Variants in TRIM7 observed in about 807,000 individuals in gnomAD.
The protein encoded by TRIM7 is E3 ubiquitin-protein ligase TRIM7.
In TRIM7, 32 loss-of-function variants were observed where a neutral mutation model predicts 37.9. The observed-to-expected ratio is 0.84, with a 90% CI of 0.64 to 1.13. The LOEUF is 1.13. TRIM7 is among the 50% of genes most tolerant of loss of function. The pLI is 0.00. For missense variants in TRIM7, 732 were observed against 714.0 expected (o/e 1.03, Z -0.29); for synonymous variants, 351 against 321.3 (o/e 1.09, Z -0.99).
chr5:181,205,134 C>G lies in TRIM7; in HGVS notation c.-24G>C, dbSNP rs536612343. Reference sequence around the variant, plus strand: ...ATGCGCGCTCTCCGCGCACCCAGATCTGGTCGCGCCTGGGCGGCCACTGGA... The same window carrying G: ...ATGCGCGCTCTCCGCGCACCCAGATGTGGTCGCGCCTGGGCGGCCACTGGA... On this transcript the variant is annotated 5_prime_UTR_variant, in exon 1 of 7. Coordinates refer to ENST00000274773, the MANE Select transcript of TRIM7 (RefSeq NM_203293.3). The G allele has an allele frequency of 2.3e-4, 300 of 1,288,458 alleles. No individual in the cohort carries two copies. In the African/African-American group the frequency reaches 4.0e-3, roughly 17 times the overall value. 79.8% of individuals were successfully genotyped at this position (1,288,458 alleles called of 1,614,324 possible).
At chr5:181,200,720 T>A (rs1757432018) in intron 2 of TRIM7, 1 of 988,336 alleles carries the variant, frequency 1.0e-6, no homozygotes, top group Non-Finnish European at 1.2e-6. Context: ...ATACACCGGA[T>A]TTTTTACTCG....
At chr5:181,203,419 T>A in intron 2 of TRIM7, 126 bp downstream of exon 2, 1 of 1,527,286 alleles carries the variant, frequency 6.5e-7, no homozygotes, top group Non-Finnish European at 8.8e-7. Context: ...ATGGACTCTA[T>A]TATCTTTCTG....
At chr5:181,196,562 C>G (rs992256458) in intron 6 of TRIM7, 9 of 151,862 alleles carry the variant, frequency 5.9e-5, no homozygotes, top group African/African-American at 2.2e-4. Flanking sequence ...ACTAAAAATA[C>G]AAAAATTAGC....
rs778971294 is a variant in TRIM7 at position 181,198,777 on chromosome 5, T to C, written c.901A>G (p.Thr301Ala). Residue 301 changes from threonine to alanine, a missense_variant, in exon 5 of 7, where the codon ACC becomes GCC. Transcript: ENST00000274773. The part of the protein sequence containing the change: ...RCSNVPGPKP[T>A]TVSSEMKNKV... ...TTCTTCATCTCAGAAGAGACTGTGGTTGGCTTGGGGCCAGGCACATTGCTA... is the reference window on the plus strand; with the variant it reads ...TTCTTCATCTCAGAAGAGACTGTGGCTGGCTTGGGGCCAGGCACATTGCTA... 4 of 1,614,064 alleles carry C rather than the reference T, an allele frequency of 2.5e-6. No individual in the cohort carries two copies. In the South Asian group the frequency reaches 4.4e-5, roughly 18 times the overall value.
chr5:181,204,873 G>T lies in TRIM7; in HGVS notation c.238C>A (p.Gln80Lys). 1.5e-6 allele frequency: 2 copies of T among 1,346,188 alleles called. No homozygotes were observed. Among genetic ancestry groups the T allele is most frequent in the Non-Finnish European group, 1.9e-6 (2 of 1,058,550 alleles). The allele number at this position is 1,346,188 out of a possible 1,614,324, so 83.4% of individuals were successfully genotyped here. Reference sequence around the variant, plus strand: ...CTGGGGCGCGCGGGCTCGCGGCACTGCGGACAGGGCAGTGGGAAGGGGGGC... The same window carrying T: ...CTGGGGCGCGCGGGCTCGCGGCACTTCGGACAGGGCAGTGGGAAGGGGGGC... ...RAPPFPLPCP[Q>K]CREPARPSQL... Residue 80 changes from glutamine to lysine, a missense_variant, in exon 1 of 7, where the codon CAG becomes AAG. Coordinates refer to ENST00000274773, the MANE Select transcript of TRIM7 (RefSeq NM_203293.3).
Position 181,195,084 on chromosome 5 carries a change from C to G in TRIM7, c.*82G>C. 6.6e-7 allele frequency: 1 copy of G among 1,514,222 alleles called. No homozygotes were observed. The highest frequency in any genetic ancestry group is 1.4e-5 in the African/African-American group (1 of 72,136). 93.8% of individuals were successfully genotyped at this position (1,514,222 alleles called of 1,614,324 possible). ...GGGGTCAGGAGCACGGAGGGCAGAC[C>G]CAAGACGGACCAGGCATCTCTGGGG... is the stretch of plus-strand genomic sequence containing the variant. On this transcript the variant is annotated 3_prime_UTR_variant, in exon 7 of 7. Transcript: ENST00000274773.
Position 181,195,480 on chromosome 5 carries a change from C to A in TRIM7, c.1222G>T (p.Gly408Cys), listed in dbSNP as rs781165142. Residue 408 changes from glycine (G) to cysteine (C), a missense_variant, in exon 7 of 7, where the codon GGC becomes TGC. By Grantham distance (159) the Gly-to-Cys change is radical (BLOSUM62 -3). Transcript: ENST00000274773. ...TCGCGGGCCACGCCAAAGGCCCAGC[C>A]GTCCTTAGAGCCCACCTCCACCTCC... ...HWEVEVGSKD[G>C]WAFGVARESV... 5 of 1,612,280 alleles carry A rather than the reference C, an allele frequency of 3.1e-6. No homozygotes were observed. The Admixed American group carries it at 8.3e-5, about 27-fold the overall frequency.
rs1457742710 is a variant in TRIM7 at position 181,193,946 on chromosome 5, A to G, written c.*1220T>C. ...AACTCCAAAGACAGCTCATAGTTTC[A>G]TTTTCATCTCCTCACCCCCTTCCCA... On this transcript the variant is annotated 3_prime_UTR_variant, in exon 7 of 7. Transcript: ENST00000274773. The G allele has an allele frequency of 6.6e-6, 1 of 152,152 alleles. No homozygotes were observed. Among genetic ancestry groups the G allele is most frequent in the East Asian group, 1.9e-4 (1 of 5,196 alleles). The allele number at this position is 152,152 out of a possible 1,614,324, so 9.4% of individuals were successfully genotyped here. A position where few individuals can be genotyped will look rare whatever the true frequency, so the allele number is the denominator to read the frequency against.
Position 181,205,061 on chromosome 5 carries a change from A to G in TRIM7, c.50T>C (p.Leu17Pro). ...GCCCTGCAGCTCTGCCGCCAGCGCT[A>G]GAGCCTCGGCGCCGGTTCCGGGGCC... ...RTGPGTGAEA[L>P]ALAAELQGEA... The change falls in exon 1 of 7, where the codon CTA becomes CCA. Residue 17 changes from leucine to proline, a missense_variant. By Grantham distance (98) the Leu-to-Pro change is moderately conservative. Coordinates refer to ENST00000274773, the MANE Select transcript of TRIM7 (RefSeq NM_203293.3). 7.2e-7 allele frequency: 1 copy of G among 1,385,894 alleles called. No homozygotes were observed. The highest frequency in any genetic ancestry group is 9.3e-7 in the Non-Finnish European group (1 of 1,074,246). 85.8% of individuals were successfully genotyped at this position (1,385,894 alleles called of 1,614,324 possible).
At chr5:181,204,160 G>T (rs1757679148) in intron 1 of TRIM7, 2 of 1,004,802 alleles carry the variant, frequency 2.0e-6, no homozygotes, top group Admixed American at 5.8e-5. Flanking sequence ...CTCTCACTCA[G>T]TTCCACGAGG....
chr5:181,203,314 T>G, intron 2 of TRIM7: 1 of 1,339,308 alleles, frequency 7.5e-7, no homozygotes, highest in African/African-American at 1.5e-5. Context: ...ACAGCTCCAG[T>G]TTAAGCCAGT....
At chr5:181,196,950 G>C (rs1419913418) in intron 6 of TRIM7, 3 of 152,286 alleles carry the variant, frequency 2.0e-5, no homozygotes, top group Admixed American at 6.5e-5. Context: ...CTTGAGCCCA[G>C]GTGTTGGAGA....
chr5:181,204,439 C>A (rs1419294005), intron 1 of TRIM7, 150 bp downstream of exon 1: 1 of 1,149,630 alleles, frequency 8.7e-7, no homozygotes, highest in Non-Finnish European at 1.1e-6. Context: ...GCCCGGGAAC[C>A]AGCGCTGGGC....
intron 2 of TRIM7, 172 bp downstream of exon 2, chr5:181,203,373 G>A: frequency 6.9e-7 from 1 of 1,446,302 alleles, no homozygotes; most frequent in East Asian, 2.5e-5. Flanking sequence ...AAAAAGCTCT[G>A]GTTTGTACAA....
chr5:181,198,458 C>T (rs896873253), intron 5 of TRIM7, among the ~76,000 whole-genome samples: 2 of 152,188 alleles, frequency 1.3e-5, no homozygotes, highest in African/African-American at 4.8e-5. Context: ...TCTTCCTAAC[C>T]CCAGTCCCCC....
chr5:181,203,897 C>T (rs2113094305), intron 1 of TRIM7: 1 of 1,232,084 alleles, frequency 8.1e-7, no homozygotes, highest in Non-Finnish European at 1.0e-6. Flanking sequence ...TAGTCGTCTC[C>T]TCTACTCTCC....
intron 5 of TRIM7, 90 bp from the exon 6 acceptor site, chr5:181,198,308 T>TAAGGCCCCAGAGTC: frequency 7.4e-7 from 1 of 1,360,138 alleles, no homozygotes; most frequent in East Asian, 2.3e-5. Context: ...AACTGACTCA[T>TAAGGCCCCAGAGTC]TCATTCCCCA....
At chr5:181,201,375 G>A (rs1032309670) in intron 2 of TRIM7, among the ~76,000 whole-genome samples, 1 of 152,196 alleles carries the variant, frequency 6.6e-6, no homozygotes, top group Admixed American at 6.5e-5. Context: ...TGCAGCAATA[G>A]TTGGGCTCTA....
rs1757028438 is a variant in TRIM7 at position 181,195,324 on chromosome 5, G to C, written c.1378C>G (p.Arg460Gly). 6.3e-7 allele frequency: 1 copy of C among 1,592,662 alleles called. No homozygotes were observed. The highest frequency in any genetic ancestry group is 8.5e-7 in the Non-Finnish European group (1 of 1,170,174). The change falls in exon 7 of 7, where the codon CGC becomes GGC. Residue 460 changes from arginine (R) to glycine (G), a missense_variant. Transcript: ENST00000274773. ...TCCAGGTCCAGGGCCACCCGCACGC[G>C]CGACAGGTGCCCGCAGCTGAGGGGC... ...RSPLSCGHLS[R>G]VRVALDLEVG...
Sources: allele counts gnomAD v4.1 joint callset (sites outside exome capture counted in the v4.1 genomes callset), GRCh38; gene constraint gnomAD v4.1.1; transcripts MANE v1.5; gene names NCBI Gene and HGNC (gene_info 2026-07-23, HGNC 2026-07-21).